The following NSMCE2 variants were observed in gnomAD, a reference collection of about 807,000 sequenced individuals.
NSMCE2 encodes the protein E3 SUMO-protein ligase NSE2.
A neutral mutation model predicts 23.8 loss-of-function variants in NSMCE2; 24 were observed. That is an observed-to-expected ratio of 1.01 (90% confidence interval 0.73 to 1.42). The LOEUF is 1.42. NSMCE2 is among the 40% of genes most tolerant of loss of function. The pLI, the probability that NSMCE2 is intolerant of heterozygous loss-of-function variation, is 0.00. For missense variants in NSMCE2, 284 were observed against 296.5 expected, an observed-to-expected ratio of 0.96 and a Z score of 0.31; for synonymous variants, 92 against 94.1, an observed-to-expected ratio of 0.98 and a Z score of 0.13.
chr8:125,172,455 G>A (rs1465852830), intron 4 of NSMCE2, among the ~76,000 whole-genome samples: 1 of 152,184 alleles, frequency 6.6e-6, no homozygotes, highest in Non-Finnish European at 1.5e-5. Flanking sequence ...TATAGTGGCA[G>A]CAACAACAAA....
At chr8:125,325,208 G>C (rs1829615978) in intron 5 of NSMCE2, among the ~76,000 whole-genome samples, 1 of 152,070 alleles carries the variant, frequency 6.6e-6, no homozygotes, top group Admixed American at 6.6e-5. Flanking sequence ...TTGAGTCCGG[G>C]AGTTCAAGGC....
chr8:125,364,711 T>C (rs936220949), intron 7 of NSMCE2, among the ~76,000 whole-genome samples: 1 of 152,202 alleles, frequency 6.6e-6, no homozygotes, highest in African/African-American at 2.4e-5. Flanking sequence ...GAACACATGA[T>C]AGTCACAGGG....
At chr8:125,264,048 A>C (rs78981563) in intron 5 of NSMCE2, among the ~76,000 whole-genome samples, 1 of 152,154 alleles carries the variant, frequency 6.6e-6, no homozygotes, top group African/African-American at 2.4e-5. Context: ...CAGATTTCCC[A>C]TGTCTGGCAC....
intron 5 of NSMCE2, among the ~76,000 whole-genome samples, chr8:125,314,166 A>G (rs914545431): frequency 1.3e-5 from 2 of 152,272 alleles, no homozygotes; most frequent in African/African-American, 2.4e-5. Context: ...TGGATATCTA[A>G]GCAGCAGGCC....
At chr8:125,263,420 T>A (rs188556697) in intron 5 of NSMCE2, among the ~76,000 whole-genome samples, 5 of 152,250 alleles carry the variant, frequency 3.3e-5, no homozygotes, top group African/African-American at 9.6e-5. Context: ...TTAATTTTAC[T>A]GCTGGATCCT....
At chr8:125,239,294 T>G (rs2130972667) in intron 5 of NSMCE2, among the ~76,000 whole-genome samples, 1 of 152,260 alleles carries the variant, frequency 6.6e-6, no homozygotes, top group South Asian at 2.1e-4. Context: ...AAACAACATC[T>G]TATGTTACAA....
chr8:125,252,472 G>A (rs1004353237), intron 5 of NSMCE2, among the ~76,000 whole-genome samples: 1 of 152,182 alleles, frequency 6.6e-6, no homozygotes, highest in Non-Finnish European at 1.5e-5. Context: ...CTCGCAGTGA[G>A]CTGAGATCCC....
At chr8:125,362,322 C>T (rs940509689) in intron 7 of NSMCE2, among the ~76,000 whole-genome samples, 9 of 152,312 alleles carry the variant, frequency 5.9e-5, no homozygotes, top group African/African-American at 1.7e-4. Flanking sequence ...TTATTGGAGA[C>T]GAAGGAGAAA....
chr8:125,198,330 T>C (rs565125022), intron 5 of NSMCE2, among the ~76,000 whole-genome samples: 2 of 152,348 alleles, frequency 1.3e-5, no homozygotes, highest in East Asian at 3.9e-4. Context: ...GGGTTTGTCA[T>C]AAATAGCTCT....
At chr8:125,191,208 T>C (rs796122453) in intron 5 of NSMCE2, among the ~76,000 whole-genome samples, 6 of 152,280 alleles carry the variant, frequency 3.9e-5, no homozygotes, top group African/African-American at 1.2e-4. Context: ...TCAGCTCTAT[T>C]AGATGGCTGT....
chr8:125,268,741 G>C (rs1181261216), intron 5 of NSMCE2, among the ~76,000 whole-genome samples: 1 of 152,198 alleles, frequency 6.6e-6, no homozygotes. Flanking sequence ...GGCCTGAGAT[G>C]GAGGAGGTGT....
At chr8:125,182,572 A>C in intron 5 of NSMCE2, 1 of 432,680 alleles carries the variant, frequency 2.3e-6, no homozygotes, top group Non-Finnish European at 4.0e-6. Context: ...TATTTAAATA[A>C]CAATGGTATC....
chr8:125,281,505 T>A (rs1281399223), intron 5 of NSMCE2, among the ~76,000 whole-genome samples: 1 of 151,996 alleles, frequency 6.6e-6, no homozygotes, highest in African/African-American at 2.4e-5. Flanking sequence ...AGTGGCACAA[T>A]CTCGGCTCAC....
chr8:125,101,848 C>CT (rs1406884234), intron 1 of NSMCE2, among the ~76,000 whole-genome samples: 6 of 152,096 alleles, frequency 3.9e-5, no homozygotes, highest in East Asian at 1.9e-4. Context: ...TAGATTTTCT[C>CT]TTTTTTTTAC....
chr8:125,124,661 A>G (rs1398601317), intron 3 of NSMCE2, among the ~76,000 whole-genome samples: 1 of 151,730 alleles, frequency 6.6e-6, no homozygotes, highest in Non-Finnish European at 1.5e-5. Flanking sequence ...TGTATTTTGT[A>G]GAGACAAGGT....
chr8:125,123,432 G>A (rs1048289310), intron 3 of NSMCE2, among the ~76,000 whole-genome samples: 1 of 152,198 alleles, frequency 6.6e-6, no homozygotes, highest in Non-Finnish European at 1.5e-5. Context: ...TCTTATTGCA[G>A]TTATTTTTCT....
intron 5 of NSMCE2, among the ~76,000 whole-genome samples, chr8:125,324,412 C>A (rs1309633749): frequency 3.3e-5 from 5 of 150,550 alleles, no homozygotes; most frequent in African/African-American, 9.8e-5. Flanking sequence ...AGCCCAATAT[C>A]CCGTAACTGA....
intron 5 of NSMCE2, among the ~76,000 whole-genome samples, chr8:125,280,990 GTTTTCA>G (rs1827668284): frequency 6.6e-6 from 1 of 152,184 alleles, no homozygotes; most frequent in Admixed American, 6.5e-5. Context: ...GACCACAGAG[GTTTTCA>G]GGAAGAAAAC....
At chr8:125,114,859 T>C (rs1563658465) in intron 3 of NSMCE2, among the ~76,000 whole-genome samples, 1 of 152,222 alleles carries the variant, frequency 6.6e-6, no homozygotes. Context: ...GTGGAAAACA[T>C]AGGCAATACT....
Sources: gnomAD v4.1 joint callset for allele counts (sites outside exome capture counted in the v4.1 genomes callset) on GRCh38, gnomAD v4.1.1 for gene constraint, MANE v1.5 for transcripts, NCBI Gene and HGNC (gene_info 2026-07-23, HGNC 2026-07-21) for gene names.